The following ASTN2 variants were observed in gnomAD, a reference collection of about 807,000 sequenced individuals.
ASTN2 encodes astrotactin 2.
ASTN2 carries 54 observed loss-of-function variants against 139.8 expected under a neutral mutation model. The ratio of observed to expected loss-of-function variants is 0.39; its 90% confidence interval spans 0.31 to 0.48. ASTN2 has a LOEUF of 0.48. Ranked by LOEUF, ASTN2 falls within the 20% of genes least tolerant of loss-of-function variation. The probability of loss-of-function intolerance (pLI) is 0.95; values close to 1 mark genes in which losing one functional copy is unlikely to be tolerated. For synonymous variants in ASTN2, 756 were observed against 719.5 expected (o/e 1.05, Z -0.81); for missense variants, 1,565 against 1,725.1 (o/e 0.91, Z 1.64).
intron 7 of ASTN2, among the ~76,000 whole-genome samples, chr9:117,001,319 G>A (rs1381445329): frequency 6.6e-6 from 1 of 152,054 alleles, no homozygotes; most frequent in African/African-American, 2.4e-5. Flanking sequence ...ATATACATAG[G>A]GCTTCAGGGT....
At chr9:116,452,964 T>C (rs970744571) in intron 20 of ASTN2, among the ~76,000 whole-genome samples, 8 of 152,138 alleles carry the variant, frequency 5.3e-5, no homozygotes, top group African/African-American at 1.2e-4. Context: ...GCCTTTAAGA[T>C]TGAATTTTGC....
intron 10 of ASTN2, among the ~76,000 whole-genome samples, chr9:116,925,321 C>A (rs1051472837): frequency 6.6e-6 from 1 of 152,142 alleles, no homozygotes; most frequent in Non-Finnish European, 1.5e-5. Flanking sequence ...CTCTTGAGAA[C>A]CTTATGAGGA....
At chr9:117,194,954 CCATTCATTCATT>C (rs61477567) in intron 3 of ASTN2, among the ~76,000 whole-genome samples, 1 of 151,328 alleles carries the variant, frequency 6.6e-6, no homozygotes, top group East Asian at 2.0e-4. Context: ...ATCCATCAGT[CCATTCATTCATT>C]CATTCATTCA....
intron 16 of ASTN2, among the ~76,000 whole-genome samples, chr9:116,684,083 TTTGGGACC>T (rs985395912): frequency 1.3e-5 from 2 of 152,124 alleles, no homozygotes; most frequent in African/African-American, 4.8e-5. Context: ...CCCAAGTTAT[TTTGGGACC>T]TTGAGAAGAG....
chr9:116,462,395 C>G (rs756997181), intron 20 of ASTN2, among the ~76,000 whole-genome samples: 1 of 152,184 alleles, frequency 6.6e-6, no homozygotes, highest in Non-Finnish European at 1.5e-5. Context: ...GCTTCAGAGC[C>G]AGGGCTCTTA....
intron 2 of ASTN2, among the ~76,000 whole-genome samples, chr9:117,280,769 G>A (rs12379559): frequency 2.8e-3 from 422 of 152,070 alleles, no homozygotes; most frequent in Admixed American, 5.3e-3. Flanking sequence ...AAGTGGTATC[G>A]GCCAGATTTC....
chr9:117,270,616 G>A (rs1834041444), intron 2 of ASTN2, among the ~76,000 whole-genome samples: 1 of 152,092 alleles, frequency 6.6e-6, no homozygotes, highest in Admixed American at 6.6e-5. Context: ...AGGATGTTTG[G>A]TCTCACCATT....
At chr9:117,301,138 C>T (rs951263171) in intron 1 of ASTN2, among the ~76,000 whole-genome samples, 1 of 152,118 alleles carries the variant, frequency 6.6e-6, no homozygotes, top group Non-Finnish European at 1.5e-5. Flanking sequence ...TCTCATTACT[C>T]CTAGTTATTC....
chr9:116,429,501 T>A (rs957308241), intron 22 of ASTN2, among the ~76,000 whole-genome samples: 6 of 152,154 alleles, frequency 3.9e-5, no homozygotes, highest in African/African-American at 1.4e-4. Flanking sequence ...AGCAGATGGC[T>A]CACCTCATAA....
intron 11 of ASTN2, among the ~76,000 whole-genome samples, chr9:116,839,222 A>C (rs1253688509): frequency 6.6e-6 from 1 of 151,676 alleles, no homozygotes; most frequent in African/African-American, 2.4e-5. Flanking sequence ...ATCATAGCTC[A>C]CTGCAGTCTT....
chr9:117,126,100 T>C (rs779455432), intron 4 of ASTN2, among the ~76,000 whole-genome samples: 25 of 152,228 alleles, frequency 1.6e-4, no homozygotes, highest in Non-Finnish European at 2.6e-4. Flanking sequence ...TTTACACAGA[T>C]GGCATATTCT....
At chr9:116,801,446 G>C (rs143511760) in intron 13 of ASTN2, among the ~76,000 whole-genome samples, 158 of 151,896 alleles carry the variant, frequency 1.0e-3, no homozygotes, top group African/African-American at 3.7e-3. Flanking sequence ...GCCAGGTGTG[G>C]TGTGTGCCTG....
chr9:117,141,203 AGAAAG>A (rs1446211143), intron 4 of ASTN2, 118 bp downstream of exon 4: 44 of 1,059,562 alleles, frequency 4.2e-5, no homozygotes, highest in Non-Finnish European at 5.2e-5. Flanking sequence ...TTTATCAGGG[AGAAAG>A]TGGCACAAGT....
chr9:117,114,273 C>T (rs1829323946), intron 4 of ASTN2, among the ~76,000 whole-genome samples: 1 of 151,644 alleles, frequency 6.6e-6, no homozygotes, highest in South Asian at 2.1e-4. Flanking sequence ...TAATATAACT[C>T]ATTATCGAAT....
chr9:116,826,036 A>C (rs1215657406), intron 11 of ASTN2, among the ~76,000 whole-genome samples: 1 of 152,154 alleles, frequency 6.6e-6, no homozygotes, highest in Non-Finnish European at 1.5e-5. Context: ...TGTACTTCCC[A>C]CAGCTTCTTG....
intron 13 of ASTN2, among the ~76,000 whole-genome samples, chr9:116,781,986 C>T (rs1830231085): frequency 6.6e-6 from 1 of 152,146 alleles, no homozygotes; most frequent in Non-Finnish European, 1.5e-5. Flanking sequence ...AGCATTCAAA[C>T]CCCAGTTGGT....
chr9:116,612,190 C>T (rs1855576887), intron 19 of ASTN2: 1 of 152,210 alleles, frequency 6.6e-6, no homozygotes, highest in East Asian at 1.9e-4. Context: ...AATATATATG[C>T]ACCCAATATA....
intron 4 of ASTN2, among the ~76,000 whole-genome samples, chr9:117,111,183 A>T (rs1194984926): frequency 2.0e-5 from 3 of 152,226 alleles, no homozygotes; most frequent in African/African-American, 7.2e-5. Context: ...TAAATCCAAA[A>T]TTACTCAACA....
intron 20 of ASTN2, among the ~76,000 whole-genome samples, chr9:116,452,551 C>T (rs949339625): frequency 1.3e-5 from 2 of 152,186 alleles, no homozygotes; most frequent in African/African-American, 4.8e-5. Context: ...AGACACAGTG[C>T]TAGAAGCTTT....
Sources: gnomAD v4.1 joint callset for allele counts (sites outside exome capture counted in the v4.1 genomes callset) on GRCh38, gnomAD v4.1.1 for gene constraint, MANE v1.5 for transcripts, NCBI Gene and HGNC (gene_info 2026-07-23, HGNC 2026-07-21) for gene names.